The following CENPC variants were observed in gnomAD, a reference collection of about 807,000 sequenced individuals.
CENPC encodes centromere protein C.
Under a neutral mutation model 112.1 loss-of-function variants are expected in CENPC, and 63 were observed. The observed-to-expected ratio is 0.56, with a 90% CI of 0.46 to 0.69. The LOEUF is 0.69. Among genes scored for constraint, CENPC ranks in the 30% least tolerant of loss-of-function variants. The pLI is 0.00. For synonymous variants in CENPC, 333 were observed against 367.6 expected, an observed-to-expected ratio of 0.91 and a Z score of 1.08; for missense variants, 1,000 against 1,103.8, an observed-to-expected ratio of 0.91 and a Z score of 1.33.
At position 67,514,595 on chromosome 4, in the gene CENPC, G is replaced by A. The variant is rs767397338; in HGVS notation, c.923C>T (p.Ser308Leu). 5.1e-5 allele frequency: 82 copies of A among 1,607,952 alleles called. No individual in the cohort carries two copies. The South Asian group carries it at 6.2e-4, about 12-fold the overall frequency. Residue 308 changes from serine (S) to leucine (L), a missense_variant, in exon 8 of 19, where the codon TCG becomes TTG. By Grantham distance (145) the Ser-to-Leu change is moderately radical. Coordinates refer to ENST00000273853, the MANE Select transcript of CENPC (RefSeq NM_001812.4). ...LIEDEFIIDESDQSFASRSWI... is the reference protein window; with the variant it reads ...LIEDEFIIDELDQSFASRSWI... The stretch of plus-strand genomic sequence containing the variant: ...AGATCTACTGGCAAAACTTTGATCC[G>A]ACTCATCAATTATAAATTCATCCTC...
At chr4:67,542,634 AC>A (rs1726920005) in intron 2 of CENPC, among the ~76,000 whole-genome samples, 1 of 151,928 alleles carries the variant, frequency 6.6e-6, no homozygotes, top group African/African-American at 2.4e-5. Flanking sequence ...CTAGTTAAAA[AC>A]CCCTAGCTGA....
chr4:67,502,597 GAC>G (rs2109789816), intron 12 of CENPC, among the ~76,000 whole-genome samples: 1 of 152,308 alleles, frequency 6.6e-6, no homozygotes, highest in South Asian at 2.1e-4. Flanking sequence ...CAAGGGCAAA[GAC>G]AGTTGCAGTG....
intron 5 of CENPC, 76 bp downstream of exon 5, chr4:67,530,739 G>A: frequency 1.6e-6 from 1 of 629,574 alleles, no homozygotes; most frequent in Non-Finnish European, 2.6e-6. Context: ...CATACTCAAA[G>A]CAACACATGC....
chr4:67,474,214 G>A (rs771203714), intron 18 of CENPC, among the ~76,000 whole-genome samples: 8 of 152,056 alleles, frequency 5.3e-5, no homozygotes, highest in Middle Eastern at 3.4e-3. Context: ...ACAGGTGTCC[G>A]CCACCACGCC....
chr4:67,503,280 T>C (rs1031825462), intron 12 of CENPC, among the ~76,000 whole-genome samples: 1 of 152,100 alleles, frequency 6.6e-6, no homozygotes, highest in Non-Finnish European at 1.5e-5. Context: ...TAAGAACTTT[T>C]GCCCTTCATC....
intron 5 of CENPC, among the ~76,000 whole-genome samples, chr4:67,524,666 G>C (rs1205109211): frequency 6.6e-6 from 1 of 152,084 alleles, no homozygotes; most frequent in Non-Finnish European, 1.5e-5. Flanking sequence ...ACTAACCACT[G>C]CTCAAGGAAA....
chr4:67,521,363 T>A (rs1726224569), intron 5 of CENPC, among the ~76,000 whole-genome samples: 1 of 152,058 alleles, frequency 6.6e-6, no homozygotes, highest in Non-Finnish European at 1.5e-5. Context: ...ACTCTCAAAG[T>A]AGCATTTTTT....
At chr4:67,530,105 T>TA (rs1182620722) in intron 5 of CENPC, among the ~76,000 whole-genome samples, 1 of 152,070 alleles carries the variant, frequency 6.6e-6, no homozygotes, top group Admixed American at 6.5e-5. Flanking sequence ...TTTTATTTTT[T>TA]AAAAAAAGGT....
At chr4:67,544,577 A>G (rs1726976004) in intron 1 of CENPC, among the ~76,000 whole-genome samples, 1 of 152,250 alleles carries the variant, frequency 6.6e-6, no homozygotes, top group South Asian at 2.1e-4. Context: ...AGATTTTCTT[A>G]GAAGGGGAGA....
chr4:67,478,864 A>C (rs575069943), intron 17 of CENPC, among the ~76,000 whole-genome samples: 1 of 152,324 alleles, frequency 6.6e-6, no homozygotes, highest in African/African-American at 2.4e-5. Context: ...GCTTAGGGTA[A>C]AGAAGTAGTA....
intron 18 of CENPC, among the ~76,000 whole-genome samples, chr4:67,474,487 G>A (rs1724751216): frequency 6.6e-6 from 1 of 152,086 alleles, no homozygotes; most frequent in African/African-American, 2.4e-5. Context: ...CAGATCACTT[G>A]AGGTCAGGTG....
intron 17 of CENPC, among the ~76,000 whole-genome samples, chr4:67,482,729 A>C (rs933141162): frequency 3.3e-5 from 5 of 152,228 alleles, no homozygotes; most frequent in African/African-American, 1.2e-4. Flanking sequence ...GATACAATGG[A>C]CTTTGAGGAC....
intron 2 of CENPC, among the ~76,000 whole-genome samples, chr4:67,543,629 T>C (rs1010333693): frequency 6.6e-6 from 1 of 152,210 alleles, no homozygotes; most frequent in African/African-American, 2.4e-5. Flanking sequence ...CCATTGGACC[T>C]ACTAAAATCA....
At chr4:67,499,656 C>T (rs1725536837) in intron 12 of CENPC, among the ~76,000 whole-genome samples, 1 of 152,202 alleles carries the variant, frequency 6.6e-6, no homozygotes, top group South Asian at 2.1e-4. Context: ...AGCAGTAAGG[C>T]AGTTTCCCTT....
intron 12 of CENPC, chr4:67,504,943 C>A: frequency 2.3e-6 from 1 of 429,452 alleles, no homozygotes; most frequent in Non-Finnish European, 4.1e-6. Context: ...TTCATGTATA[C>A]CCTTATTAGC....
At chr4:67,540,560 C>T (rs760767953) in intron 3 of CENPC, among the ~76,000 whole-genome samples, 8 of 152,256 alleles carry the variant, frequency 5.3e-5, no homozygotes, top group Non-Finnish European at 1.2e-4. Flanking sequence ...ATCCCAGCTA[C>T]TTGGAAGGCT....
intron 12 of CENPC, among the ~76,000 whole-genome samples, chr4:67,502,818 CCTCT>C (rs1196221407): frequency 6.6e-6 from 1 of 152,086 alleles, no homozygotes; most frequent in Non-Finnish European, 1.5e-5. Context: ...CTCTCTAACG[CCTCT>C]CTTTTTCTTA....
Position 67,514,688 on chromosome 4 carries a change from C to T in CENPC, c.831-1G>A, listed in dbSNP as rs1391733038. 6.2e-7 allele frequency: 1 copy of T among 1,603,344 alleles called. No homozygotes were observed. Among genetic ancestry groups the T allele is most frequent in the Non-Finnish European group, 8.5e-7 (1 of 1,174,930 alleles). ...AGTTGCCGCATGCCTAACAATGGGA[C>T]TGAAACAGGGTGATACTTTTAACAG... On this transcript the variant is annotated splice_acceptor_variant, in intron 7 of 18. Coordinates refer to ENST00000273853, the MANE Select transcript of CENPC (RefSeq NM_001812.4). LOFTEE classifies it high-confidence loss of function.
intron 17 of CENPC, among the ~76,000 whole-genome samples, chr4:67,484,012 G>C (rs915881999): frequency 6.6e-6 from 1 of 152,174 alleles, no homozygotes; most frequent in African/African-American, 2.4e-5. Flanking sequence ...AAAGTCTACA[G>C]TAGTGTACAG....
Sources: gnomAD v4.1 joint callset for allele counts (sites outside exome capture counted in the v4.1 genomes callset) on GRCh38, gnomAD v4.1.1 for gene constraint, MANE v1.5 for transcripts, NCBI Gene and HGNC (gene_info 2026-07-23, HGNC 2026-07-21) for gene names.